Variants in SLC2A5 observed in about 807,000 individuals in gnomAD.
SLC2A5 encodes solute carrier family 2, facilitated glucose transporter member 5.
A neutral mutation model predicts 50.3 loss-of-function variants in SLC2A5; 56 were observed. The ratio of observed to expected loss-of-function variants is 1.11; its 90% CI spans 0.90 to 1.39. SLC2A5 has a LOEUF of 1.39. Ranked by LOEUF, SLC2A5 falls within the 40% of genes most tolerant of loss-of-function variation. The pLI is 0.00. For missense variants in SLC2A5, 566 were observed against 650.1 expected, an observed-to-expected ratio of 0.87 and a Z score of 1.41; for synonymous variants, 269 against 281.9, an observed-to-expected ratio of 0.95 and a Z score of 0.46.
At chr1:9,046,665 CGTGTGTGTGTGTGTGTGTGT>C (rs55827239) in intron 4 of SLC2A5, among the ~76,000 whole-genome samples, 1 of 147,234 alleles carries the variant, frequency 6.8e-6, no homozygotes, top group Non-Finnish European at 1.5e-5. Context: ...ACCTGGTTCT[CGTGTGTGTGTGTGTGTGTGT>C]GTGTGTGTGT....
chr1:9,037,888 C>T lies in SLC2A5; in HGVS notation c.1302+9G>A, dbSNP rs1470009777. The T allele has an allele frequency of 7.4e-6, 12 of 1,613,582 alleles. No homozygotes were observed. The highest frequency in any genetic ancestry group is 1.3e-5 in the African/African-American group (1 of 74,928). On this transcript the variant is annotated intron_variant, in intron 11 of 11. Coordinates refer to ENST00000377424, the MANE Select transcript of SLC2A5 (RefSeq NM_003039.3). ...CTGGTGGTGAGCGTGGGCCCCGGGC[C>T]CCACTCACCTGGATGAACGGGAAGA...
chr1:9,042,707 CATGTGTGTATGTGTGTGT>C (rs972462243), intron 4 of SLC2A5, among the ~76,000 whole-genome samples: 8 of 150,618 alleles, frequency 5.3e-5, no homozygotes, highest in African/African-American at 2.0e-4. Flanking sequence ...ATATATATGG[CATGTGTGTATGTGTGTGT>C]ATGTGTGTAT....
chr1:9,041,053 C>T (rs760700234), intron 5 of SLC2A5: 8 of 226,620 alleles, frequency 3.5e-5, no homozygotes, highest in Non-Finnish European at 6.0e-5. Flanking sequence ...CTAAAAAAGA[C>T]TTGGCACTTG....
upstream of SLC2A5, among the ~76,000 whole-genome samples, chr1:9,089,340 T>C (rs1417489972): frequency 6.6e-6 from 1 of 152,220 alleles, no homozygotes; most frequent in Non-Finnish European, 1.5e-5. Context: ...ATTGAAGCTA[T>C]GCTAAAACAT....
chr1:9,063,493 C>T (rs1641997109), intron 1 of SLC2A5, among the ~76,000 whole-genome samples: 1 of 151,910 alleles, frequency 6.6e-6, no homozygotes, highest in South Asian at 2.1e-4. Flanking sequence ...CTGCCTCAGC[C>T]TCCCGGATAG....
At chr1:9,066,438 T>C (rs1642085378) in intron 1 of SLC2A5, among the ~76,000 whole-genome samples, 1 of 152,150 alleles carries the variant, frequency 6.6e-6, no homozygotes, top group Non-Finnish European at 1.5e-5. Context: ...TTTCGCCATG[T>C]TGCCCAGGCT....
chr1:9,039,442 G>A, intron 8 of SLC2A5, 110 bp downstream of exon 8: 2 of 721,460 alleles, frequency 2.8e-6, no homozygotes, highest in Non-Finnish European at 2.2e-6. Context: ...AGTAGCGGCT[G>A]GTCCTCCACG....
At chr1:9,060,145 T>TACACACTACATACTAC (rs1553170305) in intron 1 of SLC2A5, among the ~76,000 whole-genome samples, 39,643 of 134,610 alleles carry the variant, frequency 0.29, 6,259 homozygotes, top group East Asian at 0.59. Flanking sequence ...ACACACTACA[T>TACACACTACATACTAC]ACACACTACA....
upstream of SLC2A5, among the ~76,000 whole-genome samples, chr1:9,073,953 G>A (rs977261464): frequency 6.6e-6 from 1 of 152,176 alleles, no homozygotes; most frequent in African/African-American, 2.4e-5. Flanking sequence ...GGTGGCGGGA[G>A]CCCGTAACCC....
intron 1 of SLC2A5, among the ~76,000 whole-genome samples, chr1:9,062,820 C>T (rs1396512684): frequency 1.3e-5 from 2 of 151,908 alleles, no homozygotes; most frequent in African/African-American, 4.8e-5. Context: ...TGCAGTGAGC[C>T]GAGATCACGC....
At chr1:9,051,388 A>G (rs1313357494) in intron 3 of SLC2A5, among the ~76,000 whole-genome samples, 1 of 152,210 alleles carries the variant, frequency 6.6e-6, no homozygotes, top group African/African-American at 2.4e-5. Context: ...CTAGGAGAAA[A>G]TATTTGCAGA....
chr1:9,049,880 T>C (rs564731216), intron 3 of SLC2A5, among the ~76,000 whole-genome samples: 1 of 152,238 alleles, frequency 6.6e-6, no homozygotes, highest in South Asian at 2.1e-4. Context: ...CTCATGCCCG[T>C]AATCTCAGCA....
chr1:9,074,369 C>T (rs922738035), upstream of SLC2A5, among the ~76,000 whole-genome samples: 7 of 151,832 alleles, frequency 4.6e-5, no homozygotes, highest in Admixed American at 2.6e-4. Flanking sequence ...TTGAGGGCGT[C>T]GATATTTAAA....
At chr1:9,039,465 G>A (rs1480347681) in intron 8 of SLC2A5, 87 bp downstream of exon 8, 61 of 972,978 alleles carry the variant, frequency 6.3e-5, no homozygotes, top group Non-Finnish European at 8.5e-5. Context: ...TTGGGGCCAC[G>A]GGCTGCCCTT....
At chr1:9,082,890 A>AC (rs1428869503) in intron 2 of SLC2A5, 1 of 304,780 alleles carries the variant, frequency 3.3e-6, no homozygotes. Flanking sequence ...CAAAAAAAAA[A>AC]AAAAATGCAG....
upstream of SLC2A5, among the ~76,000 whole-genome samples, chr1:9,093,162 G>T (rs1642478068): frequency 6.6e-6 from 1 of 151,942 alleles, no homozygotes. Flanking sequence ...CCTTCCTACA[G>T]CCAGGAGACT....
upstream of SLC2A5, among the ~76,000 whole-genome samples, chr1:9,092,022 G>T (rs542321627): frequency 6.6e-6 from 1 of 152,040 alleles, no homozygotes; most frequent in Non-Finnish European, 1.5e-5. Flanking sequence ...GCTATCTCAC[G>T]GCTCAGGGAA....
intron 1 of SLC2A5, among the ~76,000 whole-genome samples, chr1:9,059,136 CT>C (rs869052429): frequency 1.2e-3 from 65 of 53,928 alleles, no homozygotes; most frequent in South Asian, 6.5e-3. Context: ...GCCTTTCTTT[CT>C]TTTTTTTTTT....
In SLC2A5 at chr1:9,067,404, T is replaced by G. The variant is rs546513699; in HGVS notation, c.33+2100A>C. 3.3e-5 allele frequency among the ~76,000 whole-genome samples: 5 copies of G among 152,318 alleles called. No homozygotes were observed. The South Asian group carries it at 1.0e-3, about 32-fold the overall frequency. On this transcript the variant is annotated intron_variant, in intron 1 of 11. Coordinates refer to ENST00000377424, the MANE Select transcript of SLC2A5 (RefSeq NM_003039.3). ...CTCGCATGTGGCCATCTGAATCATT[T>G]CCTTTCGCAATGTGTTACTCAGTTT...
Sources: gnomAD v4.1 joint callset for allele counts (sites outside exome capture counted in the v4.1 genomes callset) on GRCh38, gnomAD v4.1.1 for gene constraint, MANE v1.5 for transcripts, NCBI Gene and HGNC (gene_info 2026-07-23, HGNC 2026-07-21) for gene names.